Variants in STPG2 observed in about 807,000 individuals in gnomAD.
The protein encoded by STPG2 is sperm tail PG-rich repeat containing 2, also known as sperm-tail PG-rich repeat-containing protein 2.
A neutral mutation model predicts 54.2 loss-of-function variants in STPG2; 56 were observed. That is an observed-to-expected ratio of 1.03 (90% CI 0.83 to 1.29). The LOEUF (loss-of-function observed/expected upper bound fraction) is 1.29, where lower values mean the gene tolerates loss of function less well. Ranked by LOEUF, STPG2 falls within the 50% of genes most tolerant of loss-of-function variation. The pLI, the probability that STPG2 is intolerant of heterozygous loss-of-function variation, is 0.00. For synonymous variants in STPG2, 200 were observed against 181.8 expected (o/e 1.10, Z -0.81); for missense variants, 596 against 544.9 (o/e 1.09, Z -0.93).
chr4:97,981,500 T>TA (rs936613506), intron 5 of STPG2, among the ~76,000 whole-genome samples, 182 bp from the exon 6 acceptor site: 2 of 152,100 alleles, frequency 1.3e-5, no homozygotes, highest in Non-Finnish European at 2.9e-5. Context: ...TAGCTTTTAG[T>TA]AAAATCACCT....
chr4:97,882,726 C>A (rs1730423983), intron 8 of STPG2, among the ~76,000 whole-genome samples: 1 of 152,024 alleles, frequency 6.6e-6, no homozygotes, highest in South Asian at 2.1e-4. Flanking sequence ...AAACATGAAA[C>A]TAGCAATGCA....
At chr4:97,733,261 A>G (rs925351145) in intron 9 of STPG2, among the ~76,000 whole-genome samples, 1 of 152,184 alleles carries the variant, frequency 6.6e-6, no homozygotes, top group Admixed American at 6.5e-5. Context: ...TTCAGCCACT[A>G]AAAGGAATGA....
In STPG2 at chr4:98,135,271, T is replaced by TA. The variant is rs1309458555; in HGVS notation, c.110-813dup. Among the ~76,000 whole-genome samples the TA allele has an allele frequency of 4.6e-5, 7 of 151,860 alleles. No individual in the cohort carries two copies. In the East Asian group the frequency reaches 9.6e-4, roughly 21 times the overall value. On this transcript the variant is annotated intron_variant, in intron 1 of 10. Transcript: ENST00000295268. The stretch of plus-strand genomic sequence containing the variant: ...GAATGTATGGTGATAATCAATATAG[T>TA]AAAAAATCTTGCTAATCTGGACTAA...
At chr4:97,526,420 G>C (rs1230753835) in intron 4 of STPG2, among the ~76,000 whole-genome samples, 70 of 151,976 alleles carry the variant, frequency 4.6e-4, no homozygotes, top group Non-Finnish European at 1.5e-5. Context: ...TTTCTGTCAG[G>C]ACTACTATAA....
intron 7 of STPG2, among the ~76,000 whole-genome samples, chr4:97,968,996 C>G (rs1560615104): frequency 6.6e-6 from 1 of 152,086 alleles, no homozygotes; most frequent in Non-Finnish European, 1.5e-5. Context: ...TGGAATGCAA[C>G]CCTTGTGGAG....
At chr4:97,576,856 A>G (rs2148887753) in intron 10 of STPG2, among the ~76,000 whole-genome samples, 1 of 152,288 alleles carries the variant, frequency 6.6e-6, no homozygotes. Flanking sequence ...CATCTCACAG[A>G]GGTCTAGTGT....
chr4:98,022,113 T>C (rs1169072533), intron 5 of STPG2, among the ~76,000 whole-genome samples: 3 of 152,040 alleles, frequency 2.0e-5, no homozygotes, highest in Non-Finnish European at 2.9e-5. Flanking sequence ...TTCCTAGCCT[T>C]GATGGTCTTT....
At chr4:97,996,971 G>T (rs1158063688) in intron 5 of STPG2, among the ~76,000 whole-genome samples, 1 of 152,218 alleles carries the variant, frequency 6.6e-6, no homozygotes, top group Non-Finnish European at 1.5e-5. Flanking sequence ...AAAAAGGAAT[G>T]CTTATACACT....
At chr4:98,099,633 GTA>G (rs1738966871) in intron 5 of STPG2, among the ~76,000 whole-genome samples, 1 of 152,124 alleles carries the variant, frequency 6.6e-6, no homozygotes, top group South Asian at 2.1e-4. Flanking sequence ...CAATTTGATT[GTA>G]TAACTCAAAG....
At chr4:97,913,881 C>A (rs927356583) in intron 8 of STPG2, among the ~76,000 whole-genome samples, 1 of 152,030 alleles carries the variant, frequency 6.6e-6, no homozygotes, top group Non-Finnish European at 1.5e-5. Context: ...AAAATTTTAA[C>A]ATTTACAATA....
chr4:97,656,915 A>G (rs1722232967), intron 10 of STPG2, among the ~76,000 whole-genome samples: 1 of 152,008 alleles, frequency 6.6e-6, no homozygotes, highest in Non-Finnish European at 1.5e-5. Context: ...GAAAATATAT[A>G]TGAAAAATAA....
intron 5 of STPG2, among the ~76,000 whole-genome samples, chr4:98,042,308 T>G (rs72884205): frequency 0.012 from 1,787 of 152,008 alleles, 37 homozygotes; most frequent in African/African-American, 0.041. Context: ...TTGTACTTTT[T>G]TTACTTCAAT....
At chr4:97,876,249 C>T (rs775328835) in intron 8 of STPG2, among the ~76,000 whole-genome samples, 3 of 151,934 alleles carry the variant, frequency 2.0e-5, no homozygotes, top group Admixed American at 1.3e-4. Context: ...CAGATGTAAT[C>T]GTGTATTTAC....
At position 97,756,621 on chromosome 4, in the gene STPG2, C is replaced by T. The variant is rs927016223; in HGVS notation, c.1205-43807G>A. Among the ~76,000 whole-genome samples, 8 of 152,120 alleles carry T rather than the reference C, an allele frequency of 5.3e-5. No homozygotes were observed. In the East Asian group the frequency reaches 7.7e-4, roughly 15 times the overall value. On this transcript the variant is annotated intron_variant, in intron 9 of 10. Transcript: ENST00000295268. The stretch of plus-strand genomic sequence containing the variant: ...TATTACAGGCGTGAGCCACCGTGCC[C>T]GGCCTCCCTGTAGTTTCAACAAATG...
chr4:97,907,987 G>A (rs925020765), intron 8 of STPG2, among the ~76,000 whole-genome samples: 59 of 152,134 alleles, frequency 3.9e-4, no homozygotes, highest in Non-Finnish European at 8.4e-4. Flanking sequence ...AACACCAAAA[G>A]CAATGGCAAC....
chr4:97,803,522 A>G (rs531107041), intron 9 of STPG2, among the ~76,000 whole-genome samples: 19 of 152,254 alleles, frequency 1.2e-4, no homozygotes, highest in Non-Finnish European at 1.9e-4. Context: ...TGGCTTTGCC[A>G]TCTTCTACAG....
intron 4 of STPG2, chr4:97,463,725 C>G (rs1021805872): frequency 3.3e-5 from 5 of 152,252 alleles, no homozygotes; most frequent in African/African-American, 1.2e-4. Context: ...GCCAGGATTA[C>G]AGGCGTGAGC....
At chr4:97,978,047 T>C (rs1734551326) in intron 6 of STPG2, among the ~76,000 whole-genome samples, 1 of 152,182 alleles carries the variant, frequency 6.6e-6, no homozygotes, top group East Asian at 1.9e-4. Context: ...AGGCTGAATT[T>C]CAAAGTGCCA....
At chr4:97,515,711 T>C (rs1023905532) in intron 4 of STPG2, among the ~76,000 whole-genome samples, 3 of 152,084 alleles carry the variant, frequency 2.0e-5, no homozygotes, top group African/African-American at 4.8e-5. Flanking sequence ...TACTACTGAG[T>C]ATAAAGTTCC....
Sources: allele counts gnomAD v4.1 joint callset (sites outside exome capture counted in the v4.1 genomes callset), GRCh38; gene constraint gnomAD v4.1.1; transcripts MANE v1.5; gene names NCBI Gene and HGNC (gene_info 2026-07-23, HGNC 2026-07-21).